The following GLDC variants were observed in gnomAD, a reference collection of about 807,000 sequenced individuals.
GLDC encodes the protein glycine dehydrogenase (decarboxylating), mitochondrial.
In GLDC, 104 loss-of-function variants were observed where a neutral mutation model predicts 121.3. The observed-to-expected ratio is 0.86, with a 90% CI of 0.73 to 1.01. The LOEUF is 1.01. GLDC is among the 50% of genes least tolerant of loss of function. GLDC has a pLI of 0.00. For missense variants in GLDC, 1,429 were observed against 1,306.6 expected (o/e 1.09, Z -1.44); for synonymous variants, 546 against 480.6 (o/e 1.14, Z -1.78).
In GLDC at chr9:6,588,712, C is replaced by A; in HGVS notation, c.1581-10G>T. On this transcript the variant is annotated splice_polypyrimidine_tract_variant and intron_variant, in intron 12 of 24. Coordinates refer to ENST00000321612, the MANE Select transcript of GLDC (RefSeq NM_000170.3). ...TGTTTCAGAGTGGTAGCTGTGAACA[C>A]AAAACACAGAATTAGGGGCCCCAAA... The A allele has an allele frequency of 5.6e-6, 9 of 1,599,386 alleles. No homozygotes were observed. Among genetic ancestry groups the A allele is most frequent in the Non-Finnish European group, 7.7e-6 (9 of 1,166,670 alleles).
intron 21 of GLDC, among the ~76,000 whole-genome samples, chr9:6,543,506 C>A (rs1037546308): frequency 6.6e-6 from 1 of 152,172 alleles, no homozygotes; most frequent in African/African-American, 2.4e-5. Context: ...ACTACAGTGC[C>A]ATCTGAAGAG....
intron 2 of GLDC, among the ~76,000 whole-genome samples, chr9:6,622,092 C>A (rs1030833471): frequency 6.6e-6 from 1 of 151,904 alleles, no homozygotes; most frequent in African/African-American, 2.4e-5. Context: ...TGAACTCTAT[C>A]TGAATATTAT....
chr9:6,583,038 C>T (rs1192969200), intron 15 of GLDC, among the ~76,000 whole-genome samples: 1 of 152,116 alleles, frequency 6.6e-6, no homozygotes, highest in Non-Finnish European at 1.5e-5. Context: ...ACCAGAATTG[C>T]TATTACTTGA....
At chr9:6,595,676 C>T (rs1045600929) in intron 8 of GLDC, among the ~76,000 whole-genome samples, 2 of 152,142 alleles carry the variant, frequency 1.3e-5, no homozygotes, top group Non-Finnish European at 1.5e-5. Flanking sequence ...AACGGCAATG[C>T]GCACTTCAGC....
intron 2 of GLDC, among the ~76,000 whole-genome samples, chr9:6,642,303 G>T (rs1318048509): frequency 6.6e-6 from 1 of 152,178 alleles, no homozygotes; most frequent in Non-Finnish European, 1.5e-5. Flanking sequence ...GCCAAGGTGG[G>T]TGGATCACCT....
chr9:6,569,465 A>T (rs1287298664), intron 15 of GLDC: 3 of 151,822 alleles, frequency 2.0e-5, no homozygotes, highest in Admixed American at 2.0e-4. Context: ...CAGCCTGGAT[A>T]ATATGGTGAA....
Position 6,594,680 on chromosome 9 carries a change from G to A in GLDC, c.1261+334C>T, listed in dbSNP as rs10975669. On this transcript the variant is annotated intron_variant, in intron 9 of 24. Transcript: ENST00000321612. ...ACTGCACTCCAGCCTGGGAGACAGA[G>A]CAAGACTCCATTAAGCAAGGAAGCA... is the stretch of plus-strand genomic sequence containing the variant. Among the ~76,000 whole-genome samples, 36,805 of 150,392 alleles carry A rather than the reference G, an allele frequency of 0.24. 4,754 individuals carry two copies. The highest frequency in any genetic ancestry group is 0.3 in the Middle Eastern group (88 of 294).
At chr9:6,609,836 G>A (rs1818813800) in intron 4 of GLDC, among the ~76,000 whole-genome samples, 1 of 152,072 alleles carries the variant, frequency 6.6e-6, no homozygotes, top group Non-Finnish European at 1.5e-5. Context: ...GCGCTTGGCT[G>A]CTTCCCCAAG....
intron 2 of GLDC, among the ~76,000 whole-genome samples, chr9:6,621,857 C>T (rs1211356694): frequency 6.6e-6 from 1 of 152,140 alleles, no homozygotes; most frequent in Non-Finnish European, 1.5e-5. Context: ...TCATTTGGTT[C>T]TTTCTTTACC....
In GLDC at chr9:6,558,635, T is replaced by C. The variant is rs752141124; in HGVS notation, c.1976A>G (p.His659Arg). The C allele has an allele frequency of 6.2e-7, 1 of 1,614,084 alleles. No homozygotes were observed. Among genetic ancestry groups the C allele is most frequent in the South Asian group, 1.1e-5 (1 of 91,080 alleles). Residue 659 changes from histidine to arginine, a missense_variant, in exon 17 of 25, where the codon CAC becomes CGC. Physicochemically the swap from His to Arg is conservative, Grantham distance 29. Transcript: ENST00000321612. ...SAHGTNPASA[H>R]MAGMKIQPVE... Reference sequence around the variant, plus strand: ...AGGCTGAATCTTCATGCCTGCCATGTGGGCACTTGCTGGGTTGGTCCCATG... The same window carrying C: ...AGGCTGAATCTTCATGCCTGCCATGCGGGCACTTGCTGGGTTGGTCCCATG...
At chr9:6,633,436 C>G (rs565306134) in intron 2 of GLDC, among the ~76,000 whole-genome samples, 1 of 152,150 alleles carries the variant, frequency 6.6e-6, no homozygotes, top group Non-Finnish European at 1.5e-5. Context: ...GCAACTTTTG[C>G]TTCAACTTTT....
intron 13 of GLDC, 45 bp downstream of exon 13, chr9:6,588,573 G>C (rs1458936600): frequency 1.8e-5 from 27 of 1,494,488 alleles, no homozygotes; most frequent in Non-Finnish European, 2.3e-5. Flanking sequence ...AGAGACGTGG[G>C]ATTGGGGTAG....
At chr9:6,561,461 C>G (rs1563838141) in intron 16 of GLDC, among the ~76,000 whole-genome samples, 1 of 152,050 alleles carries the variant, frequency 6.6e-6, no homozygotes, top group South Asian at 2.1e-4. Flanking sequence ...CCAGCCTGGC[C>G]AACATGGTGA....
rs1201651680 is a variant in GLDC, at chr9:6,544,636, C to T, written c.2570-4490G>A. Among the ~76,000 whole-genome samples the T allele has an allele frequency of 1.2e-4, 3 of 26,080 alleles. No individual in the cohort carries two copies. In the Admixed American group the frequency reaches 1.4e-3, roughly 12 times the overall value. The allele number at this position is 26,080 out of a possible 152,430, so 17.1% of individuals were successfully genotyped here. A position where few individuals can be genotyped will look rare whatever the true frequency, so the allele number is the denominator to read the frequency against. On this transcript the variant is annotated intron_variant, in intron 21 of 24. Transcript: ENST00000321612. ...CCTGGGTGACAGAGCAAGACTCTGT[C>T]TCAAAAAAAAAAAAAAAAAAAATGG...
rs537564913 is a variant in GLDC at position 6,597,633 on chromosome 9, G to A, written c.1156-2514C>T. Among the ~76,000 whole-genome samples, 7 of 152,254 alleles carry A rather than the reference G, an allele frequency of 4.6e-5. No individual in the cohort carries two copies. In the South Asian group the frequency reaches 1.2e-3, roughly 27 times the overall value. On this transcript the variant is annotated intron_variant, in intron 8 of 24. Transcript: ENST00000321612. ...GAAAGAGCTGCTCATTGTGGTAGAA[G>A]CTAAGAAATAAGAGAATATATGGCC... is the stretch of plus-strand genomic sequence containing the variant.
At chr9:6,577,077 A>G (rs779979530) in intron 15 of GLDC, among the ~76,000 whole-genome samples, 3 of 152,208 alleles carry the variant, frequency 2.0e-5, no homozygotes, top group African/African-American at 4.8e-5. Flanking sequence ...AGAAAGAACA[A>G]AAGCCTTCTG....
intron 15 of GLDC, among the ~76,000 whole-genome samples, chr9:6,585,868 G>GTATGTATC (rs1554646413): frequency 3.4e-5 from 4 of 116,356 alleles, no homozygotes; most frequent in African/African-American, 1.1e-4. Context: ...ATGTATGTAT[G>GTATGTATC]TATCTATCTA....
chr9:6,578,248 C>A lies in GLDC; in HGVS notation c.1850+8893G>T, dbSNP rs187680622. On this transcript the variant is annotated intron_variant, in intron 15 of 24. Transcript: ENST00000321612. Reference sequence around the variant, plus strand: ...GATCCTCCCACTTCAGCCTCCCAAGCAGCTGGGACCACAGATGCATGCCAC... The same window carrying A: ...GATCCTCCCACTTCAGCCTCCCAAGAAGCTGGGACCACAGATGCATGCCAC... 4.0e-3 allele frequency among the ~76,000 whole-genome samples: 601 copies of A among 151,414 alleles called. 5 individuals are homozygous for A. The highest frequency in any genetic ancestry group is 0.014 in the African/African-American group (580 of 41,276).
At chr9:6,574,495 A>G (rs1427435054) in intron 15 of GLDC, among the ~76,000 whole-genome samples, 1 of 152,022 alleles carries the variant, frequency 6.6e-6, no homozygotes, top group Non-Finnish European at 1.5e-5. Flanking sequence ...AAGAAAAAAA[A>G]AGAAAAGAAA....
Sources: gnomAD v4.1 joint callset for allele counts (sites outside exome capture counted in the v4.1 genomes callset) on GRCh38, gnomAD v4.1.1 for gene constraint, MANE v1.5 for transcripts, NCBI Gene and HGNC (gene_info 2026-07-23, HGNC 2026-07-21) for gene names.